Variants in ASCC1 observed in about 807,000 individuals in gnomAD.
ASCC1 encodes activating signal cointegrator 1 complex subunit 1, also known as ASC-1 complex subunit P50.
In ASCC1, 35 loss-of-function variants were observed where a neutral mutation model predicts 46.6. The ratio of observed to expected loss-of-function variants is 0.75; its 90% CI spans 0.57 to 0.99. The LOEUF is 0.99. Ranked by LOEUF, ASCC1 falls within the 50% of genes least tolerant of loss-of-function variation. The pLI is 0.00. For synonymous variants in ASCC1, 143 were observed against 146.6 expected (o/e 0.98, Z 0.18); for missense variants, 376 against 428.7 (o/e 0.88, Z 1.09).
In ASCC1 at chr10:72,213,118, AC is replaced by A; in HGVS notation, c.112+68del. On this transcript the variant is annotated intron_variant, in intron 2 of 9. Transcript: ENST00000672957. ...CTGACACAGAAACACATTAAAACAA[AC>A]AAAAAATTGATCCTACAATACACAG... 7 of 1,133,156 alleles carry A rather than the reference AC, an allele frequency of 6.2e-6. No homozygotes were observed. The South Asian group carries it at 8.8e-5, about 14-fold the overall frequency. 70.2% of individuals were successfully genotyped at this position (1,133,156 alleles called of 1,614,324 possible).
intron 5 of ASCC1, among the ~76,000 whole-genome samples, chr10:72,171,802 G>A (rs951391417): frequency 3.3e-5 from 5 of 152,190 alleles, no homozygotes; most frequent in Non-Finnish European, 5.9e-5. Flanking sequence ...ATAGTCACCG[G>A]TTTTGGGATT....
chr10:72,153,146 C>T (rs554457484), intron 6 of ASCC1, among the ~76,000 whole-genome samples, 158 bp from the exon 7 acceptor site: 1 of 152,276 alleles, frequency 6.6e-6, no homozygotes, highest in Admixed American at 6.5e-5. Flanking sequence ...TCTAATTGCC[C>T]TTCTAATTTC....
intron 8 of ASCC1, among the ~76,000 whole-genome samples, chr10:72,130,850 A>G (rs868832268): frequency 4.6e-5 from 7 of 152,224 alleles, no homozygotes; most frequent in Admixed American, 2.0e-4. Context: ...GAATACTTCA[A>G]TCATCACAGA....
chr10:72,191,024 G>A (rs1294472069), intron 5 of ASCC1, among the ~76,000 whole-genome samples: 4 of 147,444 alleles, frequency 2.7e-5, no homozygotes, highest in Non-Finnish European at 4.5e-5. Context: ...AAGTTAAAGT[G>A]CAATAATGTT....
intron 9 of ASCC1, 91 bp downstream of exon 9, chr10:72,127,991 G>A: frequency 9.9e-7 from 1 of 1,009,028 alleles, no homozygotes; most frequent in Non-Finnish European, 1.6e-6. Context: ...GTATGAAGAA[G>A]TATGAAGAAA....
intron 7 of ASCC1, among the ~76,000 whole-genome samples, chr10:72,145,825 C>T (rs1472489543): frequency 6.6e-6 from 1 of 152,150 alleles, no homozygotes; most frequent in Non-Finnish European, 1.5e-5. Flanking sequence ...CAGACTATAA[C>T]ACAGTACCTG....
At chr10:72,128,401 C>G (rs896215524) in intron 8 of ASCC1, among the ~76,000 whole-genome samples, 1 of 152,230 alleles carries the variant, frequency 6.6e-6, no homozygotes, top group Non-Finnish European at 1.5e-5. Context: ...CGACATTCTC[C>G]AGGCACTCAC....
chr10:72,124,980 C>G (rs971927970), intron 9 of ASCC1, among the ~76,000 whole-genome samples: 7 of 152,112 alleles, frequency 4.6e-5, no homozygotes, highest in African/African-American at 1.7e-4. Flanking sequence ...TTATTTTTAA[C>G]TAGGAATAAC....
At chr10:72,155,491 G>T (rs1321306703) in intron 6 of ASCC1, among the ~76,000 whole-genome samples, 2 of 152,092 alleles carry the variant, frequency 1.3e-5, no homozygotes, top group African/African-American at 2.4e-5. Flanking sequence ...GGTTGCACAG[G>T]TATAGACATT....
chr10:72,170,593 C>CAAAA (rs1038487604), intron 5 of ASCC1, among the ~76,000 whole-genome samples: 102 of 57,384 alleles, frequency 1.8e-3, no homozygotes, highest in Middle Eastern at 0.014. Flanking sequence ...GACTGTATCT[C>CAAAA]AAAAAAAAAA....
At chr10:72,205,131 C>T (rs913660538) in intron 3 of ASCC1, among the ~76,000 whole-genome samples, 5 of 152,192 alleles carry the variant, frequency 3.3e-5, no homozygotes, top group Admixed American at 3.3e-4. Context: ...TATGATCACA[C>T]AGTGGCACTC....
chr10:72,105,818 C>T (rs915656857), intron 9 of ASCC1, among the ~76,000 whole-genome samples: 5 of 152,142 alleles, frequency 3.3e-5, no homozygotes. Context: ...CGTTTCAAAG[C>T]TTCTACTCCT....
intron 7 of ASCC1, among the ~76,000 whole-genome samples, chr10:72,151,782 C>T (rs1364441980): frequency 6.8e-6 from 1 of 147,560 alleles, no homozygotes; most frequent in African/African-American, 2.5e-5. Flanking sequence ...TCCGCTTCCC[C>T]GGTTCAAGTG....
chr10:72,169,511 A>G (rs1010383051), intron 5 of ASCC1, among the ~76,000 whole-genome samples: 28 of 152,180 alleles, frequency 1.8e-4, no homozygotes, highest in Non-Finnish European at 7.3e-5. Context: ...ATAAGAAAAC[A>G]TACATTAATA....
In ASCC1 at chr10:72,096,139, C is replaced by A. The variant is rs1366252155; in HGVS notation, c.*1195G>T. 1 of 453,946 alleles carries A rather than the reference C, an allele frequency of 2.2e-6. No individual in the cohort carries two copies. Among genetic ancestry groups the A allele is most frequent in the Non-Finnish European group, 4.4e-6 (1 of 226,774 alleles). 28.1% of individuals were successfully genotyped at this position (453,946 alleles called of 1,614,324 possible). On this transcript the variant is annotated 3_prime_UTR_variant, in exon 10 of 10. Transcript: ENST00000672957. ...CAACTTAACACAGAGTTCAGAAGTG[C>A]AGTTAAAGAATATAAAGAGAGAAAG...
intron 5 of ASCC1, among the ~76,000 whole-genome samples, chr10:72,162,407 A>G (rs888214066): frequency 2.6e-5 from 4 of 151,904 alleles, no homozygotes; most frequent in African/African-American, 2.4e-5. Context: ...TCCTGACCTC[A>G]TGATCCGCCC....
At chr10:72,207,371 G>A (rs1365604136) in intron 3 of ASCC1, among the ~76,000 whole-genome samples, 1 of 152,186 alleles carries the variant, frequency 6.6e-6, no homozygotes, top group African/African-American at 2.4e-5. Context: ...CCCAGATCGT[G>A]CCACTGCACT....
At chr10:72,191,699 T>C (rs1854531835) in intron 5 of ASCC1, among the ~76,000 whole-genome samples, 1 of 152,008 alleles carries the variant, frequency 6.6e-6, no homozygotes, top group Non-Finnish European at 1.5e-5. Context: ...CAGGCTACAG[T>C]ACAATGGCGT....
intron 7 of ASCC1, among the ~76,000 whole-genome samples, chr10:72,147,937 T>C (rs1447674290): frequency 6.6e-6 from 1 of 152,194 alleles, no homozygotes; most frequent in Non-Finnish European, 1.5e-5. Context: ...TGAAACTCTT[T>C]TAGGGAGTCC....
Sources: allele counts gnomAD v4.1 joint callset (sites outside exome capture counted in the v4.1 genomes callset), GRCh38; gene constraint gnomAD v4.1.1; transcripts MANE v1.5; gene names NCBI Gene and HGNC (gene_info 2026-07-23, HGNC 2026-07-21).